LRIG1: variants seen among roughly 807,000 people sequenced by gnomAD.
LRIG1 encodes the protein leucine-rich repeats and immunoglobulin-like domains protein 1.
LRIG1 carries 48 observed loss-of-function variants against 99.2 expected under a neutral mutation model. The ratio of observed to expected loss-of-function variants is 0.48; its 90% CI spans 0.38 to 0.62. The LOEUF (loss-of-function observed/expected upper bound fraction) is 0.62, where lower values mean the gene tolerates loss of function less well. LRIG1 is among the 20% of genes least tolerant of loss of function. LRIG1 has a pLI of 0.00. For missense variants in LRIG1, 1,646 were observed against 1,434.4 expected (o/e 1.15, Z -2.38); for synonymous variants, 772 against 596.1 (o/e 1.29, Z -4.30).
intron 2 of LRIG1, among the ~76,000 whole-genome samples, chr3:66,452,246 C>T (rs1432658824): frequency 2.0e-5 from 3 of 152,198 alleles, no homozygotes; most frequent in African/African-American, 7.2e-5. Context: ...CGCATAGACA[C>T]TTTGAAAATT....
chr3:66,385,602 G>A (rs994303143), intron 13 of LRIG1, among the ~76,000 whole-genome samples: 4 of 152,136 alleles, frequency 2.6e-5, no homozygotes, highest in Non-Finnish European at 5.9e-5. Flanking sequence ...ACAGGCATGT[G>A]CCACCACACC....
At chr3:66,405,925 G>A (rs977987975) in intron 8 of LRIG1, 9 of 1,003,572 alleles carry the variant, frequency 9.0e-6, no homozygotes, top group Non-Finnish European at 9.5e-6. Context: ...TCCCATGGCC[G>A]ATGACTCAAT....
chr3:66,419,629 A>G (rs1702740651), intron 3 of LRIG1, among the ~76,000 whole-genome samples: 1 of 152,174 alleles, frequency 6.6e-6, no homozygotes, highest in Non-Finnish European at 1.5e-5. Flanking sequence ...CCACAACAGC[A>G]AATGCCTCGC....
At chr3:66,493,794 G>A (rs1337947106) in intron 1 of LRIG1, among the ~76,000 whole-genome samples, 16 of 130,714 alleles carry the variant, frequency 1.2e-4, no homozygotes, top group African/African-American at 3.7e-4. Flanking sequence ...AAACCCTGTC[G>A]AAAGAAAGAA....
chr3:66,473,527 A>G (rs1313460564), intron 1 of LRIG1, among the ~76,000 whole-genome samples: 1 of 152,246 alleles, frequency 6.6e-6, no homozygotes, highest in Non-Finnish European at 1.5e-5. Context: ...TGCATTTGCC[A>G]CAATGCTCGG....
rs1164652237 is a variant in LRIG1 at position 66,486,948 on chromosome 3, T to C, written c.218+13242A>G. On this transcript the variant is annotated intron_variant, in intron 1 of 18. Transcript: ENST00000273261. The stretch of plus-strand genomic sequence containing the variant: ...CATCAGCTCCAAATAGAGGAAAAAC[T>C]TGGAATTCCCTTCGCCCTCAAAGTA... Among the ~76,000 whole-genome samples the C allele has an allele frequency of 1.3e-5, 2 of 152,166 alleles. 1 individual carries two copies. Among genetic ancestry groups the C allele is most frequent in the African/African-American group, 4.8e-5 (2 of 41,448 alleles).
intron 9 of LRIG1, chr3:66,404,413 C>T: frequency 1.6e-6 from 2 of 1,220,880 alleles, no homozygotes; most frequent in Non-Finnish European, 2.1e-6. Flanking sequence ...GTAATAATGA[C>T]TCTCGTCCCC....
At position 66,383,267 on chromosome 3, in the gene LRIG1, T is replaced by C. The variant is rs941471975; in HGVS notation, c.2206A>G (p.Thr736Ala). Residue 736 changes from threonine (T) to alanine (A), a missense_variant, in exon 15 of 19, where the codon ACT becomes GCT. Coordinates refer to ENST00000273261, the MANE Select transcript of LRIG1 (RefSeq NM_015541.3). ...TCAGGGGTCAAGTGGTGCCGCTCAGTGAGGCTCAGCGGGCGGTCCCCCTTG... is the reference window on the plus strand; with the variant it reads ...TCAGGGGTCAAGTGGTGCCGCTCAGCGAGGCTCAGCGGGCGGTCCCCCTTG... ...WFKGDRPLSLTERHHLTPDNQ... is the reference protein window; with the variant it reads ...WFKGDRPLSLAERHHLTPDNQ... 1 of 1,613,974 alleles carries C rather than the reference T, an allele frequency of 6.2e-7. No homozygotes were observed. Among genetic ancestry groups the C allele is most frequent in the Non-Finnish European group, 8.5e-7 (1 of 1,179,920 alleles).
At chr3:66,488,680 T>C (rs1207822214) in intron 1 of LRIG1, among the ~76,000 whole-genome samples, 1 of 152,094 alleles carries the variant, frequency 6.6e-6, no homozygotes, top group Non-Finnish European at 1.5e-5. Context: ...GTTAATTGGC[T>C]GAGTTTCTAT....
intron 9 of LRIG1, among the ~76,000 whole-genome samples, chr3:66,399,404 GA>G (rs1358436066): frequency 6.6e-6 from 1 of 152,194 alleles, no homozygotes; most frequent in East Asian, 1.9e-4. Context: ...TTTAGTGATG[GA>G]GAGATGAGAC....
chr3:66,493,731 G>A (rs1423491748), intron 1 of LRIG1, among the ~76,000 whole-genome samples: 4 of 152,064 alleles, frequency 2.6e-5, no homozygotes, highest in African/African-American at 7.2e-5. Flanking sequence ...ACGAGGCTGA[G>A]GCTGCAGTGA....
intron 3 of LRIG1, among the ~76,000 whole-genome samples, chr3:66,434,845 T>C (rs1334623054): frequency 6.6e-6 from 1 of 150,478 alleles, no homozygotes; most frequent in Non-Finnish European, 1.5e-5. Context: ...AAATGTCAAA[T>C]GGTATGGCCA....
intron 1 of LRIG1, among the ~76,000 whole-genome samples, chr3:66,467,992 A>T (rs1461045770): frequency 6.6e-6 from 1 of 152,186 alleles, no homozygotes; most frequent in Admixed American, 6.5e-5. Flanking sequence ...CCATCTCAAC[A>T]AGGGAAAGAG....
intron 3 of LRIG1, among the ~76,000 whole-genome samples, chr3:66,432,652 T>C: frequency 6.6e-6 from 1 of 152,150 alleles, no homozygotes; most frequent in East Asian, 1.9e-4. Flanking sequence ...AGCAGTGCAG[T>C]TGGGACTGGA....
At chr3:66,464,736 C>G (rs1324930803) in intron 1 of LRIG1, among the ~76,000 whole-genome samples, 3 of 152,160 alleles carry the variant, frequency 2.0e-5, no homozygotes, top group African/African-American at 4.8e-5. Flanking sequence ...GATAACTTCC[C>G]TCACTTCCCA....
In LRIG1 at chr3:66,384,150, T is replaced by C; in HGVS notation, c.1912A>G (p.Thr638Ala). ...CGCTCACGGGCAGCGGGGAAATCCG[T>C]GCCTCCATCCTTCTGCCAGGCAATC... The part of the protein sequence containing the change: ...PQIAWQKDGG[T>A]DFPAARERRM... The change falls in exon 14 of 19, where the codon ACG becomes GCG. Residue 638 changes from threonine to alanine, a missense_variant. By Grantham distance (58) the Thr-to-Ala change is moderately conservative. Coordinates refer to ENST00000273261, the MANE Select transcript of LRIG1 (RefSeq NM_015541.3). 1.9e-6 allele frequency: 3 copies of C among 1,614,174 alleles called. No individual in the cohort carries two copies. Among genetic ancestry groups the C allele is most frequent in the Non-Finnish European group, 2.5e-6 (3 of 1,180,034 alleles).
At chr3:66,478,124 C>T (rs1559819398) in intron 1 of LRIG1, among the ~76,000 whole-genome samples, 1 of 152,202 alleles carries the variant, frequency 6.6e-6, no homozygotes, top group Non-Finnish European at 1.5e-5. Flanking sequence ...ATCTCCACAC[C>T]GTTTATTTGC....
At chr3:66,394,806 G>A (rs1426658520) in intron 11 of LRIG1, among the ~76,000 whole-genome samples, 1 of 152,176 alleles carries the variant, frequency 6.6e-6, no homozygotes, top group Admixed American at 6.5e-5. Context: ...CCCCGTCACT[G>A]TGCCACCCTC....
At chr3:66,391,266 A>G (rs1327702565) in intron 12 of LRIG1, among the ~76,000 whole-genome samples, 2 of 152,186 alleles carry the variant, frequency 1.3e-5, no homozygotes, top group African/African-American at 4.8e-5. Flanking sequence ...TCCCTCAAAA[A>G]AGCTGAGCAC....
Sources: gnomAD v4.1 joint callset for allele counts (sites outside exome capture counted in the v4.1 genomes callset) on GRCh38, gnomAD v4.1.1 for gene constraint, MANE v1.5 for transcripts, NCBI Gene and HGNC (gene_info 2026-07-23, HGNC 2026-07-21) for gene names.